The following PDE4D variants were observed in gnomAD, a reference collection of about 807,000 sequenced individuals.
PDE4D encodes phosphodiesterase 4D.
In PDE4D, 24 loss-of-function variants were observed where a neutral mutation model predicts 87.4. The ratio of observed to expected loss-of-function variants is 0.27; its 90% CI spans 0.20 to 0.39. The LOEUF (loss-of-function observed/expected upper bound fraction) is 0.39. PDE4D is among the 10% of genes least tolerant of loss of function. The probability of loss-of-function intolerance (pLI) is 1.00; values close to 1 mark genes in which losing one functional copy is unlikely to be tolerated. For synonymous variants in PDE4D, 384 were observed against 383.2 expected (o/e 1.00, Z -0.02); for missense variants, 714 against 1,041.0 (o/e 0.69, Z 4.32).
chr5:60,010,570 A>G (rs998217012), intron 2 of PDE4D, among the ~76,000 whole-genome samples: 1 of 152,070 alleles, frequency 6.6e-6, no homozygotes, highest in East Asian at 1.9e-4. Flanking sequence ...TGTACCCCTC[A>G]TACTTCCTCT....
At chr5:59,234,322 C>T (rs989902354) in intron 1 of PDE4D, among the ~76,000 whole-genome samples, 3 of 152,022 alleles carry the variant, frequency 2.0e-5, no homozygotes, top group African/African-American at 7.2e-5. Flanking sequence ...ATAATCTTGG[C>T]TCCCATTTTA....
At chr5:59,027,187 T>C (rs919006633) in intron 6 of PDE4D, among the ~76,000 whole-genome samples, 11 of 152,172 alleles carry the variant, frequency 7.2e-5, no homozygotes, top group Non-Finnish European at 1.3e-4. Context: ...CTGAGATCTG[T>C]CTGGTATTTG....
chr5:59,559,640 G>C (rs1365286099), intron 1 of PDE4D, among the ~76,000 whole-genome samples: 1 of 152,008 alleles, frequency 6.6e-6, no homozygotes, highest in Non-Finnish European at 1.5e-5. Context: ...ATAGCTAATA[G>C]CTCATGAGTA....
chr5:60,279,684 CT>C (rs34720711), intron 1 of PDE4D, among the ~76,000 whole-genome samples: 4,651 of 138,552 alleles, frequency 0.034, 112 homozygotes, highest in East Asian at 0.11. Flanking sequence ...TTGTTGATTT[CT>C]TTTTTTTTTT....
intron 5 of PDE4D, among the ~76,000 whole-genome samples, chr5:59,148,464 T>C (rs1778983156): frequency 6.6e-6 from 1 of 152,204 alleles, no homozygotes; most frequent in Admixed American, 6.5e-5. Flanking sequence ...GTGCCTCATC[T>C]CATTTATAGC....
intron 3 of PDE4D, among the ~76,000 whole-genome samples, chr5:59,909,812 A>G (rs1239215618): frequency 6.6e-6 from 1 of 152,174 alleles, no homozygotes; most frequent in African/African-American, 2.4e-5. Flanking sequence ...TGTCCCCTGT[A>G]GAAAACCTTC....
chr5:60,067,826 C>G (rs1426378838), intron 2 of PDE4D, among the ~76,000 whole-genome samples: 1 of 152,112 alleles, frequency 6.6e-6, no homozygotes, highest in Non-Finnish European at 1.5e-5. Flanking sequence ...CAATATGTGT[C>G]TTTCTATGAC....
chr5:60,421,638 T>G (rs981880721), intron 1 of PDE4D, among the ~76,000 whole-genome samples: 1 of 152,166 alleles, frequency 6.6e-6, no homozygotes, highest in Non-Finnish European at 1.5e-5. Flanking sequence ...CCTCTTCTCT[T>G]CCAAAGGATC....
intron 2 of PDE4D, among the ~76,000 whole-genome samples, chr5:60,183,388 C>T (rs1277282115): frequency 6.6e-6 from 1 of 152,132 alleles, no homozygotes. Flanking sequence ...CATAGAAATT[C>T]ATAACTGGTA....
chr5:59,943,758 G>A (rs1249584906), intron 3 of PDE4D, among the ~76,000 whole-genome samples: 1 of 152,092 alleles, frequency 6.6e-6, no homozygotes, highest in Non-Finnish European at 1.5e-5. Flanking sequence ...CCTTTTTTAG[G>A]TGTTCCAATT....
intron 2 of PDE4D, among the ~76,000 whole-genome samples, chr5:60,043,764 A>G (rs1428053172): frequency 1.3e-5 from 2 of 151,684 alleles, no homozygotes; most frequent in East Asian, 1.9e-4. Flanking sequence ...TTTTTGACCT[A>G]TGTCATTTCA....
chr5:59,109,495 A>G (rs541702750), intron 5 of PDE4D, among the ~76,000 whole-genome samples: 1 of 152,338 alleles, frequency 6.6e-6, no homozygotes, highest in Non-Finnish European at 1.5e-5. Context: ...GTCAATCTTT[A>G]GAACATTTCT....
chr5:59,545,418 A>G (rs549708632), intron 1 of PDE4D, among the ~76,000 whole-genome samples: 13 of 152,310 alleles, frequency 8.5e-5, no homozygotes, highest in Admixed American at 8.5e-4. Context: ...TAGTTTACCC[A>G]GTTTCATTCT....
intron 1 of PDE4D, among the ~76,000 whole-genome samples, chr5:59,227,169 C>G (rs1340510717): frequency 1.3e-5 from 2 of 152,272 alleles, no homozygotes; most frequent in Non-Finnish European, 2.9e-5. Flanking sequence ...AAAATGCACT[C>G]TTTCTCAAAA....
At position 60,334,187 on chromosome 5, in the gene PDE4D, G is replaced by A. The variant is rs1285241100; in HGVS notation, c.-89-148500C>T. ...GTCTTCCTAATTTTATCTTCTTGAAGACCTGGTTATGTAAACAAGTCCTGT... is the reference window on the plus strand; with the variant it reads ...GTCTTCCTAATTTTATCTTCTTGAAAACCTGGTTATGTAAACAAGTCCTGT... On this transcript the variant is annotated intron_variant, in intron 1 of 16. Coordinates refer to the PDE4D transcript ENST00000502484. Among the ~76,000 whole-genome samples, 5 of 152,042 alleles carry A rather than the reference G, an allele frequency of 3.3e-5. No homozygotes were observed. The East Asian group carries it at 9.6e-4, about 29-fold the overall frequency.
intron 1 of PDE4D, among the ~76,000 whole-genome samples, chr5:59,488,250 C>T (rs1805521872): frequency 6.6e-6 from 1 of 151,574 alleles, no homozygotes; most frequent in African/African-American, 2.4e-5. Context: ...TTTCTAAGGC[C>T]TGTAGGCCAC....
At chr5:59,496,186 GCGTCATTC>G (rs980284839) in intron 1 of PDE4D, among the ~76,000 whole-genome samples, 2 of 152,052 alleles carry the variant, frequency 1.3e-5, no homozygotes, top group African/African-American at 2.4e-5. Context: ...ACCAAACTCC[GCGTCATTC>G]CTCTGCTGGA....
intron 1 of PDE4D, among the ~76,000 whole-genome samples, chr5:59,455,959 T>C (rs1272748684): frequency 1.3e-5 from 2 of 152,240 alleles, no homozygotes; most frequent in Non-Finnish European, 2.9e-5. Flanking sequence ...CCAATGCCTG[T>C]ACCCCCATTG....
intron 2 of PDE4D, among the ~76,000 whole-genome samples, chr5:60,029,158 G>A (rs1441484566): frequency 6.6e-6 from 1 of 152,184 alleles, no homozygotes; most frequent in Non-Finnish European, 1.5e-5. Flanking sequence ...GCATAGCAGT[G>A]AAGTCAGGGC....
Sources: allele counts gnomAD v4.1 joint callset (sites outside exome capture counted in the v4.1 genomes callset), GRCh38; gene constraint gnomAD v4.1.1; transcripts MANE v1.5; gene names NCBI Gene and HGNC (gene_info 2026-07-23, HGNC 2026-07-21).